The following TM7SF3 variants were observed in gnomAD, a reference collection of about 807,000 sequenced individuals.
TM7SF3 encodes the protein transmembrane 7 superfamily member 3.
A neutral mutation model predicts 65.5 loss-of-function variants in TM7SF3; 60 were observed. The observed-to-expected ratio is 0.92, with a 90% confidence interval of 0.74 to 1.14. TM7SF3 has a LOEUF of 1.14. TM7SF3 is among the 50% of genes most tolerant of loss of function. The pLI is 0.00. For synonymous variants in TM7SF3, 264 were observed against 259.6 expected (o/e 1.02, Z -0.16); for missense variants, 623 against 684.8 (o/e 0.91, Z 1.01).
chr12:26,976,443 A>C (rs931128153), intron 9 of TM7SF3, 86 bp from the exon 10 acceptor site: 2 of 822,818 alleles, frequency 2.4e-6, no homozygotes, highest in Non-Finnish European at 4.0e-6. Context: ...ACAGATATAC[A>C]TCAAAGCCTT....
chr12:26,994,941 A>C (rs139155023), intron 5 of TM7SF3, among the ~76,000 whole-genome samples: 20 of 152,320 alleles, frequency 1.3e-4, no homozygotes, highest in African/African-American at 4.8e-4. Context: ...TTTACCCAGT[A>C]GTCGTGGGAG....
At position 26,983,483 on chromosome 12, in the gene TM7SF3, G is replaced by T. The variant is rs1387076790; in HGVS notation, c.869-624C>A. 2.5e-5 allele frequency: 11 copies of T among 447,314 alleles called. No individual in the cohort carries two copies. In the Admixed American group the frequency reaches 2.6e-4, roughly 11 times the overall value. The allele number at this position is 447,314 out of a possible 1,614,324, so 27.7% of individuals were successfully genotyped here. A position where few individuals can be genotyped will look rare whatever the true frequency, so the allele number is the denominator to read the frequency against. On this transcript the variant is annotated intron_variant, in intron 6 of 11. Transcript: ENST00000343028. ...TATTTTTTAAGTGCTTATCTTTAAG[G>T]TATACATACTGAAATATTTGTGAGT...
chr12:26,989,118 T>C (rs1044885138), intron 6 of TM7SF3, among the ~76,000 whole-genome samples: 18 of 152,132 alleles, frequency 1.2e-4, no homozygotes, highest in African/African-American at 3.9e-4. Context: ...ACTAGGCTAA[T>C]AGTAGTTAAT....
At chr12:26,995,870 G>T (rs1940570677) in intron 4 of TM7SF3, among the ~76,000 whole-genome samples, 2 of 152,178 alleles carry the variant, frequency 1.3e-5, no homozygotes, top group African/African-American at 4.8e-5. Flanking sequence ...CCATGAGAAA[G>T]AAGTTTATAA....
chr12:27,006,010 G>A (rs1040358980), intron 1 of TM7SF3, among the ~76,000 whole-genome samples: 1 of 150,896 alleles, frequency 6.6e-6, no homozygotes, highest in Non-Finnish European at 1.5e-5. Flanking sequence ...ATGTTGGCCA[G>A]GCTAGTCTCG....
intron 1 of TM7SF3, among the ~76,000 whole-genome samples, chr12:27,013,555 T>C (rs1196303563): frequency 6.6e-6 from 1 of 152,230 alleles, no homozygotes; most frequent in African/African-American, 2.4e-5. Context: ...ATTAATAAAT[T>C]AGATGGTAAA....
chr12:26,991,141 C>CTTTTT (rs35362439), intron 5 of TM7SF3, among the ~76,000 whole-genome samples: 18 of 107,474 alleles, frequency 1.7e-4, no homozygotes, highest in East Asian at 5.9e-4. Flanking sequence ...AGTAGTAGTT[C>CTTTTT]TTTTTTTTTT....
chr12:26,975,398 A>T, intron 11 of TM7SF3, 98 bp downstream of exon 11: 1 of 1,257,516 alleles, frequency 8.0e-7, no homozygotes, highest in East Asian at 2.3e-5. Context: ...GTCCCAGTTG[A>T]CTTTCTTTAA....
intron 6 of TM7SF3, among the ~76,000 whole-genome samples, chr12:26,988,547 T>A (rs534755812): frequency 6.6e-6 from 1 of 152,248 alleles, no homozygotes; most frequent in East Asian, 1.9e-4. Context: ...AACTACTGTA[T>A]CAGTGTTAGC....
intron 5 of TM7SF3, among the ~76,000 whole-genome samples, chr12:26,992,084 G>T (rs1389107966): frequency 3.3e-5 from 5 of 152,170 alleles, no homozygotes; most frequent in Admixed American, 1.3e-4. Context: ...CAGTACAGAT[G>T]TAAGTCTAAG....
chr12:26,971,898 CTA>C lies in TM7SF3; in HGVS notation c.*2065_*2066del, dbSNP rs1939377514. ...CAAAGCAAAAATTGTTTTATATTTTCTATGTTGTTTTATCCTGCCCCAAACAC... is the reference window on the plus strand; with the variant it reads ...CAAAGCAAAAATTGTTTTATATTTTCTGTTGTTTTATCCTGCCCCAAACAC... On this transcript the variant is annotated 3_prime_UTR_variant, in exon 12 of 12. Coordinates refer to ENST00000343028, the MANE Select transcript of TM7SF3 (RefSeq NM_016551.3). 1 of 152,162 alleles carries C rather than the reference CTA, an allele frequency of 6.6e-6. No homozygotes were observed. 9.4% of individuals were successfully genotyped at this position (152,162 alleles called of 1,614,324 possible). A position where few individuals can be genotyped will look rare whatever the true frequency, so the allele number is the denominator to read the frequency against.
At chr12:27,003,541 T>C in intron 1 of TM7SF3, 151 bp from the exon 2 acceptor site, 1 of 738,996 alleles carries the variant, frequency 1.4e-6, no homozygotes, top group Middle Eastern at 3.9e-4. Context: ...AAAGACAATG[T>C]GGCTTAAAAA....
At chr12:27,008,779 C>T (rs1941139031) in intron 1 of TM7SF3, among the ~76,000 whole-genome samples, 1 of 152,126 alleles carries the variant, frequency 6.6e-6, no homozygotes, top group Admixed American at 6.5e-5. Context: ...CCCTGTAGTA[C>T]CCCATGTTCT....
At chr12:26,988,721 C>G (rs148156578) in intron 6 of TM7SF3, among the ~76,000 whole-genome samples, 1 of 137,172 alleles carries the variant, frequency 7.3e-6, no homozygotes, top group African/African-American at 2.7e-5. Flanking sequence ...CGTATCTATA[C>G]ATACACAGTC....
intron 1 of TM7SF3, among the ~76,000 whole-genome samples, chr12:27,008,062 T>C (rs1483214090): frequency 2.0e-5 from 3 of 152,188 alleles, no homozygotes; most frequent in Admixed American, 2.0e-4. Flanking sequence ...CACATTTTTG[T>C]TGGGTGGAAC....
At chr12:26,985,805 C>CTT (rs1491557564) in intron 6 of TM7SF3, among the ~76,000 whole-genome samples, 5 of 72,038 alleles carry the variant, frequency 6.9e-5, no homozygotes, top group Admixed American at 1.8e-4. Context: ...ATTTCTTTTT[C>CTT]GTTTTTTTTT....
At position 26,998,475 on chromosome 12, in the gene TM7SF3, G is replaced by A. The variant is rs551645857; in HGVS notation, c.397+1051C>T. Among the ~76,000 whole-genome samples the A allele has an allele frequency of 2.8e-4, 43 of 152,092 alleles. No individual in the cohort carries two copies. The East Asian group carries it at 5.2e-3, about 18-fold the overall frequency. ...CCAAACTGAAGTCATCACCTACTCC[G>A]TCCCACCTCCCAAAACATCCAGCAC... On this transcript the variant is annotated intron_variant, in intron 3 of 11. Transcript: ENST00000343028.
chr12:26,979,683 G>A (rs1939724356), intron 9 of TM7SF3, 101 bp downstream of exon 9: 4 of 1,335,662 alleles, frequency 3.0e-6, no homozygotes, highest in African/African-American at 1.5e-5. Flanking sequence ...AACTCCACAG[G>A]AGAAGCACTG....
At chr12:26,977,855 C>T (rs1462347305) in intron 9 of TM7SF3, 1 of 275,572 alleles carries the variant, frequency 3.6e-6, no homozygotes, top group Non-Finnish European at 7.2e-6. Context: ...GTAATCCCAA[C>T]ACTTTGGGAG....
Sources: allele counts gnomAD v4.1 joint callset (sites outside exome capture counted in the v4.1 genomes callset), GRCh38; gene constraint gnomAD v4.1.1; transcripts MANE v1.5; gene names NCBI Gene and HGNC (gene_info 2026-07-23, HGNC 2026-07-21).